GRIN2B: variants seen among roughly 807,000 people sequenced by gnomAD.
GRIN2B encodes glutamate receptor ionotropic, NMDA 2B.
GRIN2B carries 5 observed loss-of-function variants against 114.5 expected under a neutral mutation model. That is an observed-to-expected ratio of 0.04 (90% CI 0.02 to 0.09). The LOEUF (loss-of-function observed/expected upper bound fraction) is 0.09, where lower values mean the gene tolerates loss of function less well. Among genes scored for constraint, GRIN2B ranks in the 10% least tolerant of loss-of-function variants. The pLI, the probability that GRIN2B is intolerant of heterozygous loss-of-function variation, is 1.00. For synonymous variants in GRIN2B, 787 were observed against 745.1 expected (o/e 1.06, Z -0.92); for missense variants, 1,108 against 1,943.5 (o/e 0.57, Z 8.08).
At chr12:13,667,352 T>A (rs527445149) in intron 5 of GRIN2B, among the ~76,000 whole-genome samples, 2 of 152,268 alleles carry the variant, frequency 1.3e-5, no homozygotes, top group East Asian at 3.9e-4. Context: ...CCAGACTGCA[T>A]ATGTGTCCCC....
chr12:13,874,021 A>G (rs1021340769), intron 2 of GRIN2B, among the ~76,000 whole-genome samples: 5 of 152,238 alleles, frequency 3.3e-5, no homozygotes, highest in Non-Finnish European at 7.3e-5. Flanking sequence ...CAGATGAACC[A>G]ACAAGTCCTC....
chr12:13,563,322 T>A lies in GRIN2B; in HGVS notation c.3916A>T (p.Thr1306Ser). Residue 1306 changes from threonine to serine, a missense_variant, in exon 14 of 14, where the codon ACC (threonine) becomes TCC (serine). By Grantham distance (58) the Thr-to-Ser change is moderately conservative. Coordinates refer to ENST00000609686, the MANE Select transcript of GRIN2B (RefSeq NM_000834.5). ...TCTTCCTTCTGCAGGTCCACGAAGG[T>A]GTCGTAGGAGTGCTGCCGGCGCAGT... ...NKLRRQHSYD[T>S]FVDLQKEEAA... The A allele has an allele frequency of 1.9e-6, 3 of 1,614,062 alleles. No individual in the cohort carries two copies. The highest frequency in any genetic ancestry group is 1.3e-5 in the African/African-American group (1 of 75,000).
At chr12:13,885,062 A>G (rs981760705) in intron 2 of GRIN2B, among the ~76,000 whole-genome samples, 1 of 152,204 alleles carries the variant, frequency 6.6e-6, no homozygotes, top group African/African-American at 2.4e-5. Flanking sequence ...GGCCATAAAA[A>G]AATGCTGCAG....
In GRIN2B at chr12:13,555,037, C is replaced by G. The variant is rs1401460404; in HGVS notation, c.*7746G>C. 1 of 152,074 alleles carries G rather than the reference C, an allele frequency of 6.6e-6. No homozygotes were observed. The highest frequency in any genetic ancestry group is 1.5e-5 in the Non-Finnish European group (1 of 68,004). The allele number at this position is 152,074 out of a possible 1,614,324, so 9.4% of individuals were successfully genotyped here. A position where few individuals can be genotyped will look rare whatever the true frequency, so the allele number is the denominator to read the frequency against. On this transcript the variant is annotated 3_prime_UTR_variant, in exon 14 of 14. Transcript: ENST00000609686. ...AAAGTGAAGATTTGGGATTCATCTT[C>G]ATTCAAAGAGTTATTGAAATCATAG... is the stretch of plus-strand genomic sequence containing the variant.
chr12:13,598,983 T>A (rs1206645172), intron 10 of GRIN2B, among the ~76,000 whole-genome samples: 1 of 152,212 alleles, frequency 6.6e-6, no homozygotes, highest in Non-Finnish European at 1.5e-5. Flanking sequence ...AGCTGCTCCG[T>A]GCTGAGGGAG....
chr12:13,981,321 C>T (rs1198878635), intron 1 of GRIN2B, 21 bp downstream of exon 1: 1 of 152,312 alleles, frequency 6.6e-6, no homozygotes, highest in African/African-American at 2.4e-5. Flanking sequence ...AGGAGAGACT[C>T]CAAAGCCCAT....
intron 2 of GRIN2B, among the ~76,000 whole-genome samples, chr12:13,913,044 C>T (rs182099339): frequency 3.9e-4 from 60 of 152,242 alleles, no homozygotes; most frequent in Admixed American, 1.0e-3. Flanking sequence ...AGCATGCCCC[C>T]CAGCCTTCCA....
At chr12:13,711,565 A>G (rs1383032562) in intron 4 of GRIN2B, among the ~76,000 whole-genome samples, 2 of 152,098 alleles carry the variant, frequency 1.3e-5, no homozygotes, top group African/African-American at 4.8e-5. Flanking sequence ...AAAAGTGGGC[A>G]AAGGATATGA....
At chr12:13,941,172 A>T (rs2136835882) in intron 2 of GRIN2B, among the ~76,000 whole-genome samples, 1 of 152,268 alleles carries the variant, frequency 6.6e-6, no homozygotes, top group South Asian at 2.1e-4. Flanking sequence ...GCCAGTTACC[A>T]AGAATGACCA....
chr12:13,626,214 G>A lies in GRIN2B; in HGVS notation c.1126-9557C>T, dbSNP rs114912840. ...CATCTTCTGGGACATGCAGGACACA[G>A]TGAGGAACCACTCAAACAGACCACT... On this transcript the variant is annotated intron_variant, in intron 5 of 13. Coordinates refer to ENST00000609686, the MANE Select transcript of GRIN2B (RefSeq NM_000834.5). Among the ~76,000 whole-genome samples the A allele has an allele frequency of 1.8e-3, 279 of 152,328 alleles. 3 individuals carry two copies. Among genetic ancestry groups the A allele is most frequent in the African/African-American group, 6.4e-3 (268 of 41,570 alleles).
intron 3 of GRIN2B, among the ~76,000 whole-genome samples, chr12:13,829,508 A>G (rs951312878): frequency 1.3e-5 from 2 of 152,150 alleles, no homozygotes; most frequent in African/African-American, 4.8e-5. Context: ...CTGTCTTTCT[A>G]ATTGTTCTTT....
At chr12:13,896,434 A>G (rs1866355908) in intron 2 of GRIN2B, among the ~76,000 whole-genome samples, 1 of 152,200 alleles carries the variant, frequency 6.6e-6, no homozygotes, top group African/African-American at 2.4e-5. Context: ...CTGCAGTATT[A>G]CCACTGGCCA....
At chr12:13,719,301 G>A (rs961856940) in intron 4 of GRIN2B, among the ~76,000 whole-genome samples, 1 of 151,958 alleles carries the variant, frequency 6.6e-6, no homozygotes, top group African/African-American at 2.4e-5. Context: ...CTTTTTCCCA[G>A]TTGAATAAAC....
At chr12:13,884,544 G>A (rs1270799519) in intron 2 of GRIN2B, among the ~76,000 whole-genome samples, 1 of 152,022 alleles carries the variant, frequency 6.6e-6, no homozygotes, top group African/African-American at 2.4e-5. Flanking sequence ...TACATAGACA[G>A]TCATGTTGCC....
chr12:13,812,252 A>G (rs115448813), intron 3 of GRIN2B, among the ~76,000 whole-genome samples: 32,362 of 151,942 alleles, frequency 0.21, 3,654 homozygotes, highest in Non-Finnish European at 0.23. Flanking sequence ...AAACTGCAAA[A>G]AAAAAAAGTC....
chr12:13,938,069 A>T (rs1867160343), intron 2 of GRIN2B, among the ~76,000 whole-genome samples: 1 of 152,192 alleles, frequency 6.6e-6, no homozygotes, highest in Admixed American at 6.5e-5. Flanking sequence ...AAGTAGAGGT[A>T]TAAGTAAGAA....
chr12:13,592,707 G>A (rs1949024282), intron 10 of GRIN2B, among the ~76,000 whole-genome samples: 2 of 152,068 alleles, frequency 1.3e-5, no homozygotes, highest in South Asian at 2.1e-4. Context: ...GCTGAGCTCT[G>A]GTGCTTTCCT....
intron 12 of GRIN2B, 91 bp from the exon 13 acceptor site, chr12:13,567,354 G>T: frequency 1.2e-6 from 1 of 829,786 alleles, no homozygotes; most frequent in Non-Finnish European, 2.0e-6. Context: ...GAGCAAGAAA[G>T]AGAAAGATAC....
chr12:13,617,199 TG>T (rs1949456050), intron 5 of GRIN2B, among the ~76,000 whole-genome samples: 1 of 152,190 alleles, frequency 6.6e-6, no homozygotes, highest in Non-Finnish European at 1.5e-5. Context: ...GAGAGCTAGG[TG>T]GATCTAAATT....
Sources: allele counts gnomAD v4.1 joint callset (sites outside exome capture counted in the v4.1 genomes callset), GRCh38; gene constraint gnomAD v4.1.1; transcripts MANE v1.5; gene names NCBI Gene and HGNC (gene_info 2026-07-23, HGNC 2026-07-21).